Variants in TSACC observed in about 807,000 individuals in gnomAD.
TSACC encodes the protein TSSK6 activating cochaperone, also known as TSSK6-activating co-chaperone protein.
TSACC carries 3 observed loss-of-function variants against 6.9 expected under a neutral mutation model. That is an observed-to-expected ratio of 0.43 (90% CI 0.20 to 1.12). The LOEUF (loss-of-function observed/expected upper bound fraction) is 1.12. Ranked by LOEUF, TSACC falls within the 50% of genes most tolerant of loss-of-function variation. The pLI is 0.28. For synonymous variants in TSACC, 54 were observed against 55.1 expected, an observed-to-expected ratio of 0.98 and a Z score of 0.09; for missense variants, 137 against 143.9, an observed-to-expected ratio of 0.95 and a Z score of 0.24.
At chr1:156,338,122 G>A (rs1360725602), upstream of TSACC, 1 of 1,573,742 alleles carries the variant, frequency 6.4e-7, no homozygotes, top group Non-Finnish European at 8.6e-7. Context: ...GGGCGAAAAG[G>A]GGGTCCATTT....
At chr1:156,337,803 A>AAC, upstream of TSACC, 4 of 287,892 alleles carry the variant, frequency 1.4e-5, no homozygotes, top group East Asian at 5.7e-5. Flanking sequence ...AAAAAAAAAC[A>AAC]AAAAAAAACG....
At chr1:156,337,943 C>G (rs1446112936), upstream of TSACC, among the ~76,000 whole-genome samples, 1 of 152,122 alleles carries the variant, frequency 6.6e-6, no homozygotes, top group Non-Finnish European at 1.5e-5. Context: ...AGGAAAGAGG[C>G]TCGGCGAGAA....
At chr1:156,338,701 G>GC (rs2101693270) in intron 1 of TSACC, 96 bp downstream of exon 1, 1 of 156,962 alleles carries the variant, frequency 6.4e-6, no homozygotes, top group East Asian at 1.9e-4. Context: ...TCTAGCCTTA[G>GC]CAACAGGTGG....
At position 156,344,581 on chromosome 1, in the gene TSACC, T is replaced by A; in HGVS notation, c.36T>A (p.Val12=). The change falls in exon 3 of 4, where the codon GTT becomes GTA. Residue 12 remains valine (V), a splice_region_variant and synonymous_variant. Transcript: ENST00000368254. ...CTGATTTAGTTATCTCTGATTTAGT[T>A]CCAGCCAAAGAGGAAGCTAATGCTG... is the stretch of plus-strand genomic sequence containing the variant. ...ERHTSHPNRK[V]PAKEEANAVP... 3.7e-6 allele frequency: 6 copies of A among 1,613,710 alleles called. No homozygotes were observed. Among genetic ancestry groups the A allele is most frequent in the Non-Finnish European group, 5.1e-6 (6 of 1,179,858 alleles).
upstream of TSACC, chr1:156,338,171 C>T (rs372914739): frequency 6.3e-7 from 1 of 1,589,198 alleles, no homozygotes; most frequent in Non-Finnish European, 8.6e-7. Context: ...GAGCACTGGA[C>T]GATGGCCCAT....
rs561805585 is a variant in TSACC, at chr1:156,339,660, G to A, written c.-98G>A. The A allele has an allele frequency of 6.6e-6, 10 of 1,512,460 alleles. No homozygotes were observed. In the African/African-American group the frequency reaches 9.6e-5, roughly 14 times the overall value. 93.7% of individuals were successfully genotyped at this position (1,512,460 alleles called of 1,614,324 possible). A position where few individuals can be genotyped will look rare whatever the true frequency, so the allele number is the denominator to read the frequency against. ...TTGGAACAGGCTGAGATCTGCTGGA[G>A]ACAACTTAGGAAATTATCATAGTGA... On this transcript the variant is annotated 5_prime_UTR_variant, in exon 2 of 4. Coordinates refer to ENST00000368254, the MANE Select transcript of TSACC (RefSeq NM_001304817.2).
At position 156,346,977 on chromosome 1, in the gene TSACC, A is replaced by G. The variant is rs754273247; in HGVS notation, c.373A>G (p.Lys125Glu). 1 of 1,612,926 alleles carries G rather than the reference A, an allele frequency of 6.2e-7. No homozygotes were observed. Among genetic ancestry groups the G allele is most frequent in the Non-Finnish European group, 8.5e-7 (1 of 1,179,058 alleles). ...GTTAAATCACCTGCCCCAATTCAGT[A>G]AATGAATTGTGGAACAAAGTTATTG... ...PLLNHLPQFSK is the reference protein window; with the variant it reads ...PLLNHLPQFSE Residue 125 changes from lysine to glutamate, a missense_variant, in exon 4 of 4, where the codon AAA (lysine) becomes GAA (glutamate). Transcript: ENST00000368254.
chr1:156,340,904 A>C (rs1429977416), intron 2 of TSACC, among the ~76,000 whole-genome samples: 1 of 152,160 alleles, frequency 6.6e-6, no homozygotes. Context: ...ACTTAGGATC[A>C]CTGCCACCTC....
chr1:156,340,189 C>G (rs192106426), intron 2 of TSACC, among the ~76,000 whole-genome samples: 1 of 152,234 alleles, frequency 6.6e-6, no homozygotes. Flanking sequence ...GACGGAGTCT[C>G]GCTCTGTCAC....
chr1:156,340,458 C>CTTTTTTTTTTT (rs1294722828), intron 2 of TSACC, among the ~76,000 whole-genome samples: 2 of 111,796 alleles, frequency 1.8e-5, no homozygotes, highest in African/African-American at 3.2e-5. Flanking sequence ...CGCCCCCGGC[C>CTTTTTTTTTTT]TTTTTTTTTT....
chr1:156,338,358 A>G, upstream of TSACC: 2 of 650,152 alleles, frequency 3.1e-6, no homozygotes, highest in Non-Finnish European at 5.5e-6. Context: ...CGGCACAAAA[A>G]CAGACCAATT....
At chr1:156,338,051 C>T (rs950349319), upstream of TSACC, 3 of 1,273,674 alleles carry the variant, frequency 2.4e-6, no homozygotes, top group Admixed American at 2.0e-5. Flanking sequence ...GATTGGAAGG[C>T]TCAGTGGCCC....
intron 2 of TSACC, among the ~76,000 whole-genome samples, 163 bp from the exon 3 acceptor site, chr1:156,344,417 C>T (rs1666053468): frequency 6.6e-6 from 1 of 152,190 alleles, no homozygotes; most frequent in Non-Finnish European, 1.5e-5. Flanking sequence ...CTTGGTTTCT[C>T]TTAATCCTAT....
upstream of TSACC, chr1:156,338,216 C>T (rs541158900): frequency 3.2e-6 from 5 of 1,576,684 alleles, no homozygotes; most frequent in African/African-American, 5.4e-5. Flanking sequence ...GTACCCAGAG[C>T]TGGGGGAACC....
At chr1:156,341,918 C>T (rs938577442) in intron 2 of TSACC, among the ~76,000 whole-genome samples, 1 of 151,862 alleles carries the variant, frequency 6.6e-6, no homozygotes, top group Admixed American at 6.6e-5. Context: ...AAAAATTAGC[C>T]GGGCATTGTA....
chr1:156,344,356 A>G (rs12022657), intron 2 of TSACC, among the ~76,000 whole-genome samples: 35,307 of 152,138 alleles, frequency 0.23, 4,767 homozygotes, highest in Non-Finnish European at 0.29. Flanking sequence ...CATGTAGTGT[A>G]TATCAGTAAG....
rs908606676 is a variant in TSACC at position 156,339,719 on chromosome 1, T to C, written c.-39T>C. Reference sequence around the variant, plus strand: ...ACATGGATTGTTGATCATCTGATGCTATGATTCTTTCCCAGGCACCACACC... The same window carrying C: ...ACATGGATTGTTGATCATCTGATGCCATGATTCTTTCCCAGGCACCACACC... On this transcript the variant is annotated 5_prime_UTR_variant, in exon 2 of 4. Coordinates refer to ENST00000368254, the MANE Select transcript of TSACC (RefSeq NM_001304817.2). 1 of 1,613,230 alleles carries C rather than the reference T, an allele frequency of 6.2e-7. No individual in the cohort carries two copies. The highest frequency in any genetic ancestry group is 1.3e-5 in the African/African-American group (1 of 75,016).
chr1:156,341,180 G>A (rs907509886), intron 2 of TSACC, among the ~76,000 whole-genome samples: 1 of 152,102 alleles, frequency 6.6e-6, no homozygotes, highest in African/African-American at 2.4e-5. Context: ...ACAACAGATC[G>A]AAACATTTAA....
chr1:156,344,072 C>T (rs989102904), intron 2 of TSACC, among the ~76,000 whole-genome samples: 53 of 152,138 alleles, frequency 3.5e-4, no homozygotes, highest in African/African-American at 1.3e-3. Flanking sequence ...AGTAAATATC[C>T]TCTACCTGAA....
Sources: allele counts gnomAD v4.1 joint callset (sites outside exome capture counted in the v4.1 genomes callset), GRCh38; gene constraint gnomAD v4.1.1; transcripts MANE v1.5; gene names NCBI Gene and HGNC (gene_info 2026-07-23, HGNC 2026-07-21).